Variants in VPS13B observed in about 807,000 individuals in gnomAD.
VPS13B encodes vacuolar protein sorting 13 homolog B.
Under a neutral mutation model 426.4 loss-of-function variants are expected in VPS13B, and 285 were observed. The observed-to-expected ratio is 0.67, with a 90% CI of 0.61 to 0.74. VPS13B has a LOEUF of 0.74. Among genes scored for constraint, VPS13B ranks in the 30% least tolerant of loss-of-function variants. The pLI is 0.00. For synonymous variants in VPS13B, 1,676 were observed against 1,676.4 expected (o/e 1.00, Z 0.01); for missense variants, 4,537 against 4,782.6 (o/e 0.95, Z 1.51).
intron 19 of VPS13B, chr8:99,347,827 A>T (rs889894151): frequency 3.9e-5 from 6 of 152,290 alleles, no homozygotes; most frequent in South Asian, 2.1e-4. Flanking sequence ...CTGGTGATTG[A>T]TTCTAGGTCC....
intron 19 of VPS13B, among the ~76,000 whole-genome samples, chr8:99,325,459 G>A (rs1231502896): frequency 6.6e-6 from 1 of 152,156 alleles, no homozygotes; most frequent in Non-Finnish European, 1.5e-5. Flanking sequence ...CTAACTTAGT[G>A]AAACAAACTG....
intron 24 of VPS13B, among the ~76,000 whole-genome samples, chr8:99,480,942 A>G (rs560400820): frequency 5.9e-5 from 9 of 152,292 alleles, no homozygotes; most frequent in South Asian, 2.1e-4. Context: ...TTGTCATACA[A>G]ATTTCATGAT....
chr8:99,706,553 C>G (rs550276051), intron 36 of VPS13B, among the ~76,000 whole-genome samples: 1 of 152,116 alleles, frequency 6.6e-6, no homozygotes. Context: ...CCATGTAAAT[C>G]CACCTTCAGA....
chr8:99,638,282 A>G (rs569418705), intron 33 of VPS13B, among the ~76,000 whole-genome samples: 14 of 152,106 alleles, frequency 9.2e-5, no homozygotes, highest in Non-Finnish European at 1.5e-4. Context: ...CCTTGGAACT[A>G]TTGATCAATC....
intron 17 of VPS13B, among the ~76,000 whole-genome samples, chr8:99,244,682 T>C (rs9297289): frequency 0.83 from 125,778 of 152,186 alleles, 52,492 homozygotes; most frequent in South Asian, 0.89. Flanking sequence ...GATAGTTCTA[T>C]AATAACACTA....
chr8:99,634,172 A>T (rs1368227442), intron 33 of VPS13B, among the ~76,000 whole-genome samples: 1 of 151,982 alleles, frequency 6.6e-6, no homozygotes, highest in Non-Finnish European at 1.5e-5. Flanking sequence ...CTCAACAGGA[A>T]GGTTTTGAAC....
intron 22 of VPS13B, among the ~76,000 whole-genome samples, chr8:99,432,482 G>A (rs1157952729): frequency 6.6e-6 from 1 of 151,994 alleles, no homozygotes; most frequent in African/African-American, 2.4e-5. Flanking sequence ...TAACAGCAGG[G>A]TGCTAAAATC....
intron 17 of VPS13B, 56 bp downstream of exon 17, chr8:99,193,113 A>G: frequency 6.5e-7 from 1 of 1,545,206 alleles, no homozygotes; most frequent in Non-Finnish European, 8.9e-7. Context: ...GAGGCAACTA[A>G]TATTTTATTA....
intron 29 of VPS13B, among the ~76,000 whole-genome samples, chr8:99,519,052 AG>A (rs1822236175): frequency 6.6e-6 from 1 of 152,256 alleles, no homozygotes; most frequent in African/African-American, 2.4e-5. Flanking sequence ...CTACTATAGT[AG>A]AATCATCTGT....
At position 99,115,716 on chromosome 8, in the gene VPS13B, A is replaced by G. The variant is rs1170251206; in HGVS notation, c.779A>G (p.Glu260Gly). Residue 260 changes from glutamate (E) to glycine (G), a missense_variant, in exon 7 of 62, where the codon GAA becomes GGA. Physicochemically the swap from Glu to Gly is moderately conservative, Grantham distance 98. Around this residue, in one of 2 missense-constraint regions of VPS13B, gnomAD observed 4,311 missense variants for 4,474.3 expected, o/e 0.96. Coordinates refer to ENST00000357162, the MANE Select transcript of VPS13B (RefSeq NM_152564.5). Reference protein sequence around the residue: ...PSVIKIHTLVESLKLSITDQQ... With the variant: ...PSVIKIHTLVGSLKLSITDQQ... The stretch of plus-strand genomic sequence containing the variant: ...AAAATGCAGATTCATACTTTAGTGG[A>G]AAGTTTGAAACTTTCTATCACAGAT... 2.5e-6 allele frequency: 4 copies of G among 1,612,636 alleles called. No homozygotes were observed. The highest frequency in any genetic ancestry group is 1.3e-5 in the African/African-American group (1 of 74,884).
intron 35 of VPS13B, among the ~76,000 whole-genome samples, chr8:99,672,957 A>G (rs1830778799): frequency 1.3e-5 from 2 of 152,060 alleles, no homozygotes; most frequent in African/African-American, 4.8e-5. Context: ...ATTGATCTGC[A>G]TATGTTGATC....
At chr8:99,078,072 CATGA>C (rs1327677854) in intron 3 of VPS13B, among the ~76,000 whole-genome samples, 1 of 151,540 alleles carries the variant, frequency 6.6e-6, no homozygotes, top group Non-Finnish European at 1.5e-5. Flanking sequence ...ATTTCTGATT[CATGA>C]ATTTTTTTTT....
At chr8:99,749,652 CT>C (rs1810291779) in intron 39 of VPS13B, among the ~76,000 whole-genome samples, 1 of 152,024 alleles carries the variant, frequency 6.6e-6, no homozygotes, top group African/African-American at 2.4e-5. Context: ...TTGATGGACA[CT>C]TGGGTTGCTT....
chr8:99,533,182 G>T (rs1172988218), intron 30 of VPS13B, among the ~76,000 whole-genome samples: 1 of 151,936 alleles, frequency 6.6e-6, no homozygotes, highest in African/African-American at 2.4e-5. Flanking sequence ...CAGGTGATCC[G>T]CCCACCTTGG....
chr8:99,745,318 A>G (rs1338648527), intron 39 of VPS13B, among the ~76,000 whole-genome samples: 1 of 152,042 alleles, frequency 6.6e-6, no homozygotes, highest in African/African-American at 2.4e-5. Flanking sequence ...AGTTGAAAAA[A>G]ATTCTGATGA....
At chr8:99,329,203 A>G (rs539759600) in intron 19 of VPS13B, among the ~76,000 whole-genome samples, 1 of 152,256 alleles carries the variant, frequency 6.6e-6, no homozygotes, top group South Asian at 2.1e-4. Context: ...TGAAACATAT[A>G]GAGTGAAAAT....
Position 99,391,549 on chromosome 8 carries a change from C to G in VPS13B, c.2935-8C>G, listed in dbSNP as rs762645139. 6.8e-6 allele frequency: 11 copies of G among 1,614,044 alleles called. No individual in the cohort carries two copies. The East Asian group carries it at 1.3e-4, about 20-fold the overall frequency. On this transcript the variant is annotated splice_region_variant and splice_polypyrimidine_tract_variant and intron_variant, in intron 20 of 61. Transcript: ENST00000357162. ...AACTAAAAAGGTTTTCATTTTGTCT[C>G]TTTCCAGCAGCCTGTGGTAGCTGTT...
intron 54 of VPS13B, among the ~76,000 whole-genome samples, chr8:99,844,667 G>A (rs1004446684): frequency 3.3e-5 from 5 of 152,096 alleles, no homozygotes; most frequent in African/African-American, 1.2e-4. Flanking sequence ...ACCGCCCCCG[G>A]CCTCAGGCTT....
chr8:99,562,011 C>G (rs1401798956), intron 31 of VPS13B, among the ~76,000 whole-genome samples: 1 of 152,160 alleles, frequency 6.6e-6, no homozygotes, highest in Non-Finnish European at 1.5e-5. Flanking sequence ...CATAAAATGG[C>G]TGAACCATTT....
Sources: allele counts gnomAD v4.1 joint callset (sites outside exome capture counted in the v4.1 genomes callset), GRCh38; gene constraint gnomAD v4.1.1; regional missense constraint gnomAD v4.1.1; transcripts MANE v1.5; gene names NCBI Gene and HGNC (gene_info 2026-07-23, HGNC 2026-07-21).